Variants in FGD4 observed in about 807,000 individuals in gnomAD.
FGD4 encodes FYVE, RhoGEF and PH domain containing 4.
Under a neutral mutation model 102.0 loss-of-function variants are expected in FGD4, and 42 were observed. The ratio of observed to expected loss-of-function variants is 0.41; its 90% CI spans 0.32 to 0.53. The LOEUF (loss-of-function observed/expected upper bound fraction) is 0.53. Among genes scored for constraint, FGD4 ranks in the 20% least tolerant of loss-of-function variants. The pLI is 0.21. For missense variants in FGD4, 902 were observed against 1,078.2 expected (o/e 0.84, Z 2.29); for synonymous variants, 380 against 375.7 (o/e 1.01, Z -0.13).
chr12:32,558,775 T>C (rs1201786914), intron 1 of FGD4, among the ~76,000 whole-genome samples: 1 of 152,222 alleles, frequency 6.6e-6, no homozygotes, highest in South Asian at 2.1e-4. Context: ...GAGGGAGCTA[T>C]ATCAGTCAAC....
At chr12:32,492,661 G>A (rs1944144761) in intron 1 of FGD4, among the ~76,000 whole-genome samples, 1 of 152,118 alleles carries the variant, frequency 6.6e-6, no homozygotes, top group Non-Finnish European at 1.5e-5. Context: ...ATATATTTGT[G>A]ATATATTCAT....
intron 4 of FGD4, among the ~76,000 whole-genome samples, chr12:32,596,228 A>G (rs1947882231): frequency 6.6e-6 from 1 of 152,240 alleles, no homozygotes; most frequent in South Asian, 2.1e-4. Flanking sequence ...GACCAAGCCC[A>G]AGGGCTTTGA....
chr12:32,452,178 T>TG (rs145435107), intron 1 of FGD4, among the ~76,000 whole-genome samples: 5,888 of 152,326 alleles, frequency 0.039, 180 homozygotes, highest in South Asian at 0.12. Flanking sequence ...GTAACTCTTC[T>TG]GGAAGCCATC....
Position 32,548,886 on chromosome 12 carries a change from G to A in FGD4, c.167-15251G>A, listed in dbSNP as rs183687652. ...TTGGGTTCATGATTTCAAAGTCAGG[G>A]TCGTGAGGGCACCCAAGATGATTAC... On this transcript the variant is annotated intron_variant, in intron 1 of 16. Transcript: ENST00000534526. Among the ~76,000 whole-genome samples the A allele has an allele frequency of 9.2e-5, 14 of 152,314 alleles. No individual in the cohort carries two copies. The South Asian group carries it at 1.2e-3, about 14-fold the overall frequency.
intron 1 of FGD4, among the ~76,000 whole-genome samples, chr12:32,479,612 C>G (rs1315335690): frequency 6.7e-6 from 1 of 149,408 alleles, no homozygotes; most frequent in Non-Finnish European, 1.5e-5. Context: ...AGACCTCTCA[C>G]TGCTAGGCTA....
At chr12:32,515,590 A>G (rs568058013) in intron 1 of FGD4, among the ~76,000 whole-genome samples, 16 of 152,354 alleles carry the variant, frequency 1.1e-4, no homozygotes, top group Admixed American at 5.2e-4. Flanking sequence ...TTTAAAATAC[A>G]TATTTGTTTT....
intron 1 of FGD4, among the ~76,000 whole-genome samples, chr12:32,527,289 C>T (rs1259707401): frequency 6.6e-6 from 1 of 152,158 alleles, no homozygotes; most frequent in Non-Finnish European, 1.5e-5. Flanking sequence ...ACATACACGT[C>T]GAAGGGTGTC....
In FGD4 at chr12:32,526,315, C is replaced by T. The variant is rs1053025391; in HGVS notation, c.167-37822C>T. Among the ~76,000 whole-genome samples, 3 of 151,884 alleles carry T rather than the reference C, an allele frequency of 2.0e-5. No homozygotes were observed. In the East Asian group the frequency reaches 5.8e-4, roughly 29 times the overall value. On this transcript the variant is annotated intron_variant, in intron 1 of 16. Transcript: ENST00000534526. ...GCTCAAGGATTGTAAATACACCAAT[C>T]GGCACTCTGTATCTAGCTCAAGGTT...
At chr12:32,531,384 T>C (rs941103884) in intron 1 of FGD4, among the ~76,000 whole-genome samples, 1 of 152,196 alleles carries the variant, frequency 6.6e-6, no homozygotes, top group Non-Finnish European at 1.5e-5. Context: ...CACGCAGTCA[T>C]ATAACCACCA....
chr12:32,580,552 T>C (rs1166183177), intron 3 of FGD4, among the ~76,000 whole-genome samples: 1 of 152,102 alleles, frequency 6.6e-6, no homozygotes, highest in Admixed American at 6.6e-5. Flanking sequence ...CCCACAGTTT[T>C]GTGCTCCATT....
At chr12:32,531,586 C>T (rs1241687808) in intron 1 of FGD4, among the ~76,000 whole-genome samples, 2 of 152,214 alleles carry the variant, frequency 1.3e-5, no homozygotes, top group Non-Finnish European at 2.9e-5. Context: ...CTTTCTAATG[C>T]ACATGCAGGT....
chr12:32,600,592 C>A, intron 5 of FGD4: 4 of 195,568 alleles, frequency 2.0e-5, no homozygotes, highest in Non-Finnish European at 2.4e-5. Flanking sequence ...TTCTTTCTTT[C>A]TTTTTTTTTT....
At chr12:32,400,383 T>A (rs1405399863) in intron 1 of FGD4, among the ~76,000 whole-genome samples, 1 of 152,036 alleles carries the variant, frequency 6.6e-6, no homozygotes, top group Non-Finnish European at 1.5e-5. Flanking sequence ...ACAACCTAGG[T>A]GTGGTGAGCA....
At chr12:32,573,905 C>G (rs1320595573) in intron 2 of FGD4, among the ~76,000 whole-genome samples, 1 of 152,094 alleles carries the variant, frequency 6.6e-6, no homozygotes, top group Non-Finnish European at 1.5e-5. Context: ...TAGCTGTGAT[C>G]AAAAGTAATA....
At chr12:32,499,754 G>A (rs1478756520) in intron 1 of FGD4, among the ~76,000 whole-genome samples, 1 of 152,220 alleles carries the variant, frequency 6.6e-6, no homozygotes, top group East Asian at 1.9e-4. Flanking sequence ...GGTGGCTCAT[G>A]CCTGTAATCC....
At chr12:32,535,598 TG>T (rs1942177221) in intron 1 of FGD4, among the ~76,000 whole-genome samples, 1 of 151,716 alleles carries the variant, frequency 6.6e-6, no homozygotes, top group African/African-American at 2.4e-5. Flanking sequence ...GGAGGTCTTG[TG>T]ATCTCTCCAA....
intron 2 of FGD4, among the ~76,000 whole-genome samples, chr12:32,575,466 T>C (rs1002062601): frequency 6.6e-6 from 1 of 152,280 alleles, no homozygotes; most frequent in South Asian, 2.1e-4. Context: ...CAAGAACCTA[T>C]TCACTATGGC....
chr12:32,502,912 G>A (rs945332351), intron 1 of FGD4, among the ~76,000 whole-genome samples: 8 of 152,188 alleles, frequency 5.3e-5, no homozygotes, highest in Admixed American at 3.3e-4. Flanking sequence ...CGTGGTAAAG[G>A]AAGGGCAAGA....
At chr12:32,465,924 A>C (rs993682971) in intron 1 of FGD4, among the ~76,000 whole-genome samples, 5 of 152,076 alleles carry the variant, frequency 3.3e-5, no homozygotes, top group Non-Finnish European at 7.3e-5. Flanking sequence ...GACCACAGTC[A>C]TACGCCACCA....
Sources: allele counts gnomAD v4.1 joint callset (sites outside exome capture counted in the v4.1 genomes callset), GRCh38; gene constraint gnomAD v4.1.1; transcripts MANE v1.5; gene names NCBI Gene and HGNC (gene_info 2026-07-23, HGNC 2026-07-21).